ABCC8: variants seen among roughly 807,000 people sequenced by gnomAD.
The protein encoded by ABCC8 is ATP binding cassette subfamily C member 8.
In ABCC8, 137 loss-of-function variants were observed where a neutral mutation model predicts 188.0. The observed-to-expected ratio is 0.73, with a 90% CI of 0.63 to 0.84. ABCC8 has a LOEUF of 0.84. Among genes scored for constraint, ABCC8 ranks in the 40% least tolerant of loss-of-function variants. The pLI is 0.00. For missense variants in ABCC8, 1,750 were observed against 2,072.7 expected (o/e 0.84, Z 3.02); for synonymous variants, 797 against 846.5 (o/e 0.94, Z 1.01).
rs17846771 is a variant in ABCC8 at position 17,394,465 on chromosome 11, G to A, written c.4412-66C>T. The A allele has an allele frequency of 6.4e-4, 1,030 of 1,612,024 alleles. 9 individuals are homozygous for A. The East Asian group carries it at 0.02, about 32-fold the overall frequency. ...CTTGTGCTGTGAGTGGAGCAGATGG[G>A]ATGGCTTGGGGGGCTGTTGGAAAAT... On this transcript the variant is annotated intron_variant, in intron 36 of 38. Coordinates refer to ENST00000389817, the MANE Select transcript of ABCC8 (RefSeq NM_000352.6).
chr11:17,443,146 G>A (rs758614181), intron 9 of ABCC8, 32 bp downstream of exon 9: 16 of 1,611,840 alleles, frequency 9.9e-6, no homozygotes, highest in Non-Finnish European at 1.4e-5. Context: ...GAGGGGAAGA[G>A]GGACAAAACA....
chr11:17,466,122 C>T (rs892905294), intron 3 of ABCC8, among the ~76,000 whole-genome samples: 16 of 152,208 alleles, frequency 1.1e-4, no homozygotes, highest in African/African-American at 3.4e-4. Context: ...ACAAATAGGC[C>T]AGGCAAGGTG....
intron 19 of ABCC8, among the ~76,000 whole-genome samples, chr11:17,413,853 T>G (rs1359798974): frequency 6.6e-6 from 1 of 152,080 alleles, no homozygotes; most frequent in Non-Finnish European, 1.5e-5. Flanking sequence ...GGTCAAATAT[T>G]TGCCCAGCCT....
At chr11:17,475,389 T>C (rs780353470) in intron 1 of ABCC8, among the ~76,000 whole-genome samples, 3 of 151,936 alleles carry the variant, frequency 2.0e-5, no homozygotes, top group Non-Finnish European at 4.4e-5. Context: ...AGCTAATTTT[T>C]AATTTTTTGT....
chr11:17,413,605 G>T (rs1449448310), intron 19 of ABCC8, 127 bp from the exon 20 acceptor site: 1 of 1,582,708 alleles, frequency 6.3e-7, no homozygotes, highest in Non-Finnish European at 8.6e-7. Flanking sequence ...TAGGCCTCCC[G>T]CTTGGGTGCA....
chr11:17,459,618 T>G (rs1479746466), intron 6 of ABCC8, among the ~76,000 whole-genome samples: 1 of 152,204 alleles, frequency 6.6e-6, no homozygotes, highest in East Asian at 1.9e-4. Context: ...TCAGACTGTC[T>G]GTGGTTAAAA....
chr11:17,470,858 T>C lies in ABCC8; in HGVS notation c.291-636A>G, dbSNP rs376450804. On this transcript the variant is annotated intron_variant, in intron 2 of 38. Transcript: ENST00000389817. Reference sequence around the variant, plus strand: ...GCCTCTAAGTGGGTGGACTGTGGCCTGGGGGTAAGACCCAGAGGCAGCCAG... The same window carrying C: ...GCCTCTAAGTGGGTGGACTGTGGCCCGGGGGTAAGACCCAGAGGCAGCCAG... Among the ~76,000 whole-genome samples the C allele has an allele frequency of 2.4e-4, 37 of 152,248 alleles. No homozygotes were observed. In the East Asian group the frequency reaches 4.8e-3, roughly 20 times the overall value.
chr11:17,425,186 C>T (rs545422694), intron 16 of ABCC8, among the ~76,000 whole-genome samples: 4 of 152,238 alleles, frequency 2.6e-5, no homozygotes, highest in East Asian at 1.9e-4. Context: ...AATAAAATGG[C>T]GAATGGAGGC....
intron 16 of ABCC8, 195 bp from the exon 17 acceptor site, chr11:17,417,157 A>G: frequency 1.3e-6 from 1 of 784,614 alleles, no homozygotes; most frequent in Non-Finnish European, 1.5e-6. Context: ...CTGGATGGGT[A>G]CCCTCCAAAT....
At chr11:17,405,776 A>C (rs1954486525) in intron 26 of ABCC8, 16 of 540,336 alleles carry the variant, frequency 3.0e-5, no homozygotes, top group Admixed American at 6.4e-5. Flanking sequence ...TCAGTTTCTC[A>C]AGCCCATCTG....
chr11:17,465,445 T>C (rs188274979), intron 3 of ABCC8: 1 of 152,304 alleles, frequency 6.6e-6, no homozygotes, highest in East Asian at 1.9e-4. Context: ...CTTGGATGTC[T>C]TGTGCAAGGT....
At chr11:17,405,372 A>G (rs1954464263) in intron 27 of ABCC8, 122 bp downstream of exon 27, 1 of 1,476,986 alleles carries the variant, frequency 6.8e-7, no homozygotes, top group Non-Finnish European at 9.4e-7. Context: ...GATCGGGGAC[A>G]CTGGCTTCTT....
At chr11:17,411,039 C>A (rs1954781626) in intron 21 of ABCC8, among the ~76,000 whole-genome samples, 1 of 152,218 alleles carries the variant, frequency 6.6e-6, no homozygotes, top group Non-Finnish European at 1.5e-5. Context: ...AGGAAGCCTG[C>A]CGTCTGGGCC....
At chr11:17,456,124 C>T (rs1342734743) in intron 6 of ABCC8, among the ~76,000 whole-genome samples, 1 of 151,998 alleles carries the variant, frequency 6.6e-6, no homozygotes, top group African/African-American at 2.4e-5. Context: ...CAAGGACCTA[C>T]AACCTGACAC....
At chr11:17,410,854 C>T (rs1184608500) in intron 21 of ABCC8, 2 of 335,776 alleles carry the variant, frequency 6.0e-6, no homozygotes, top group African/African-American at 4.5e-5. Context: ...TCAGATATCA[C>T]TCTCAAACAG....
chr11:17,404,486 C>G lies in ABCC8; in HGVS notation c.3557+26G>C, dbSNP rs955482868. ...CAAACTGCACATTGCAAAGCACCTC[C>G]CACCCCTCACCCCTGAGGCCATCAC... On this transcript the variant is annotated intron_variant, in intron 28 of 38. Transcript: ENST00000389817. The surrounding 1 kb of genome is among the most constrained non-coding windows in gnomAD (Gnocchi z 4.7). 2 of 1,603,590 alleles carry G rather than the reference C, an allele frequency of 1.2e-6. No homozygotes were observed. The highest frequency in any genetic ancestry group is 2.7e-5 in the African/African-American group (2 of 74,742).
At chr11:17,450,489 G>A (rs1036233587) in intron 7 of ABCC8, among the ~76,000 whole-genome samples, 10 of 146,402 alleles carry the variant, frequency 6.8e-5, no homozygotes, top group Non-Finnish European at 1.3e-4. Flanking sequence ...CCTCCTCCTG[G>A]GTTCACGCCA....
At position 17,443,303 on chromosome 11, in the gene ABCC8, C is replaced by A. The variant is rs2133597961; in HGVS notation, c.1342G>T (p.Gly448Cys). 1 of 1,614,020 alleles carries A rather than the reference C, an allele frequency of 6.2e-7. No homozygotes were observed. Among genetic ancestry groups the A allele is most frequent in the South Asian group, 1.1e-5 (1 of 91,074 alleles). The change falls in exon 9 of 39, where the codon GGT becomes TGT. Residue 448 changes from glycine (G) to cysteine (C), a missense_variant. Gly to Cys is a radical substitution (Grantham distance 159, BLOSUM62 -3). Coordinates refer to ENST00000389817, the MANE Select transcript of ABCC8 (RefSeq NM_000352.6). ...AGTATGTAGTAGAGGAGAATCACAC[C>A]CACAATGATCTGAGGAAGGGGTCAT... ...LWAMPVQIIV[G>C]VILLYYILGV...
intron 16 of ABCC8, among the ~76,000 whole-genome samples, chr11:17,426,168 T>C (rs571735837): frequency 1.3e-5 from 2 of 152,346 alleles, no homozygotes; most frequent in South Asian, 2.1e-4. Context: ...GTCTTTATAG[T>C]AGAATGATTT....
Sources: gnomAD v4.1 joint callset for allele counts (sites outside exome capture counted in the v4.1 genomes callset) on GRCh38, gnomAD v4.1.1 for gene constraint, Gnocchi (gnomAD v3.1) non-coding constraint, MANE v1.5 for transcripts, NCBI Gene and HGNC (gene_info 2026-07-23, HGNC 2026-07-21) for gene names.